MYO15A: variants seen among roughly 807,000 people sequenced by gnomAD.
The protein encoded by MYO15A is myosin XVA, also known as unconventional myosin-XV.
Under a neutral mutation model 394.6 loss-of-function variants are expected in MYO15A, and 308 were observed. That is an observed-to-expected ratio of 0.78 (90% confidence interval 0.71 to 0.86). The LOEUF (loss-of-function observed/expected upper bound fraction) is 0.86, where lower values mean the gene tolerates loss of function less well. Ranked by LOEUF, MYO15A falls within the 40% of genes least tolerant of loss-of-function variation. The pLI, the probability that MYO15A is intolerant of heterozygous loss-of-function variation, is 0.00. For missense variants in MYO15A, 4,606 were observed against 4,799.1 expected, an observed-to-expected ratio of 0.96 and a Z score of 1.19; for synonymous variants, 1,957 against 2,003.8, an observed-to-expected ratio of 0.98 and a Z score of 0.62.
intron 1 of MYO15A, among the ~76,000 whole-genome samples, chr17:18,116,844 C>T (rs2045793631): frequency 6.6e-6 from 1 of 151,660 alleles, no homozygotes; most frequent in South Asian, 2.1e-4. Flanking sequence ...TGCTTGAACC[C>T]GGGAGGCGGA....
chr17:18,127,841 A>ATATG (rs2046080442), intron 7 of MYO15A, among the ~76,000 whole-genome samples: 1 of 63,432 alleles, frequency 1.6e-5, no homozygotes, highest in Non-Finnish European at 3.2e-5. Flanking sequence ...AAAGATATAT[A>ATATG]TATATATATA....
chr17:18,133,638 T>G (rs1484702724), intron 12 of MYO15A, among the ~76,000 whole-genome samples: 2 of 152,194 alleles, frequency 1.3e-5, no homozygotes, highest in African/African-American at 2.4e-5. Context: ...GTTTACAATG[T>G]TTTTTGGTGG....
At chr17:18,112,208 C>A (rs2045730584) in intron 1 of MYO15A, among the ~76,000 whole-genome samples, 1 of 151,816 alleles carries the variant, frequency 6.6e-6, no homozygotes, top group African/African-American at 2.4e-5. Flanking sequence ...CCTGCTTCTC[C>A]CCAGCAAGTC....
rs1567643716 is a variant in MYO15A, at chr17:18,140,832, G to A, written c.5406G>A (p.Lys1802=). The part of the protein sequence containing the change: ...FMRCLKPNHK[K]EPGLFEPDVV... ...GTTGCCTGAAGCCCAACCACAAGAA[G>A]GTGAGTGAGAGCTGAGGCCTCTGAG... The change falls in exon 21 of 66, where the codon AAG becomes AAA. Residue 1802 remains lysine, a splice_region_variant and synonymous_variant. Coordinates refer to ENST00000647165, the MANE Select transcript of MYO15A (RefSeq NM_016239.4). The A allele has an allele frequency of 3.7e-6, 6 of 1,614,126 alleles. No homozygotes were observed. In the South Asian group the frequency reaches 5.5e-5, roughly 15 times the overall value.
At chr17:18,169,161 A>G (rs2046903809) in intron 62 of MYO15A, among the ~76,000 whole-genome samples, 1 of 93,874 alleles carries the variant, frequency 1.1e-5, no homozygotes, top group Non-Finnish European at 2.4e-5. Context: ...TAATAATAAA[A>G]ATAGGCTGGG....
Position 18,120,459 on chromosome 17 carries a change from G to A in MYO15A, c.1659G>A (p.Arg553=). ...QRALSAFGAH[R]GLGFGPEFGR... ...CGCTGTCGGCCTTCGGCGCCCACCG[G>A]GGCCTGGGCTTCGGCCCTGAGTTTG... The change falls in exon 2 of 66, where the codon CGG becomes CGA. Residue 553 remains arginine, a synonymous_variant. Coordinates refer to ENST00000647165, the MANE Select transcript of MYO15A (RefSeq NM_016239.4). 1.3e-6 allele frequency: 2 copies of A among 1,576,888 alleles called. No homozygotes were observed. Among genetic ancestry groups the A allele is most frequent in the East Asian group, 2.3e-5 (1 of 43,222 alleles).
chr17:18,178,370 GA>G (rs758976352), intron 65 of MYO15A: 33,600 of 262,872 alleles, frequency 0.13, 4 homozygotes, highest in South Asian at 0.22. Flanking sequence ...CTCCATCTAG[GA>G]AAAAAAAAAA....
chr17:18,112,123 C>G (rs758312018), intron 1 of MYO15A, among the ~76,000 whole-genome samples: 1 of 152,248 alleles, frequency 6.6e-6, no homozygotes, highest in Admixed American at 6.5e-5. Context: ...GACAGACAGA[C>G]AAGGCTCCCC....
intron 23 of MYO15A, 66 bp from the exon 24 acceptor site, chr17:18,142,013 G>C: frequency 6.3e-7 from 1 of 1,584,566 alleles, no homozygotes; most frequent in Non-Finnish European, 8.6e-7. Flanking sequence ...GACTTCTAGA[G>C]AGGGAGGGGC....
Position 18,116,423 on chromosome 17 carries a change from C to G in MYO15A, c.-219-2159C>G, listed in dbSNP as rs959032738. Among the ~76,000 whole-genome samples the G allele has an allele frequency of 4.6e-5, 7 of 152,370 alleles. No homozygotes were observed. The East Asian group carries it at 1.3e-3, about 29-fold the overall frequency. On this transcript the variant is annotated intron_variant, in intron 1 of 65. Coordinates refer to ENST00000647165, the MANE Select transcript of MYO15A (RefSeq NM_016239.4). ...TCGGCCAGGCCTGGGTTCTACCTTC[C>G]CAAGCCAGGTGGCCTCGAGCAAGTC... is the stretch of plus-strand genomic sequence containing the variant.
intron 18 of MYO15A, chr17:18,139,175 G>C: frequency 1.6e-6 from 1 of 644,380 alleles, no homozygotes; most frequent in South Asian, 1.8e-5. Context: ...ATGTAGGGTG[G>C]GTTTGATAAA....
Position 18,142,823 on chromosome 17 carries a change from C to A in MYO15A, c.5893C>A (p.Arg1965Ser), listed in dbSNP as rs374485649. 2 of 1,612,904 alleles carry A rather than the reference C, an allele frequency of 1.2e-6. No homozygotes were observed. The highest frequency in any genetic ancestry group is 1.7e-6 in the Non-Finnish European group (2 of 1,179,628). ...GTCCCTGGTACACGCATACGTGAGC[C>A]GCCGACGCTATCTCAAGGTATAGGC... Reference protein sequence around the residue: ...FRSLVHAYVSRRRYLKLRAEW... With the variant: ...FRSLVHAYVSSRRYLKLRAEW... The change falls in exon 25 of 66, where the codon CGC (arginine) becomes AGC (serine). Residue 1965 changes from arginine (R) to serine (S), a missense_variant. Transcript: ENST00000647165.
rs534480724 is a variant in MYO15A, at chr17:18,168,110, A to G, written c.10082+387A>G. On this transcript the variant is annotated intron_variant, in intron 62 of 65. Coordinates refer to ENST00000647165, the MANE Select transcript of MYO15A (RefSeq NM_016239.4). Reference sequence around the variant, plus strand: ...ATCAGAAGTAACCTCAATATCCAGCAACAGGGAGTCGTCAAGTAAATTATG... The same window carrying G: ...ATCAGAAGTAACCTCAATATCCAGCGACAGGGAGTCGTCAAGTAAATTATG... Among the ~76,000 whole-genome samples, 8 of 152,344 alleles carry G rather than the reference A, an allele frequency of 5.3e-5. No homozygotes were observed. The East Asian group carries it at 1.5e-3, about 29-fold the overall frequency.
At chr17:18,126,758 G>A (rs967432369) in intron 5 of MYO15A, 33 bp from the exon 6 acceptor site, 2 of 1,611,568 alleles carry the variant, frequency 1.2e-6, no homozygotes, top group Non-Finnish European at 1.7e-6. Context: ...GAGCTTAGAG[G>A]CAGGGGCCAG....
chr17:18,125,466 A>T (rs1330610442), intron 4 of MYO15A: 1 of 533,314 alleles, frequency 1.9e-6, no homozygotes, highest in African/African-American at 1.9e-5. Context: ...AGACCGAGGC[A>T]GGTGGATCAC....
rs542681492 is a variant in MYO15A, at chr17:18,109,423, T to C, written c.-220+599T>C. ...CAGGGCAGGCACTGCGGCTCTGTTATGTCCTGGGCTTTCTGGATCTGTGGT... is the reference window on the plus strand; with the variant it reads ...CAGGGCAGGCACTGCGGCTCTGTTACGTCCTGGGCTTTCTGGATCTGTGGT... On this transcript the variant is annotated intron_variant, in intron 1 of 65. Transcript: ENST00000647165. 1.3e-3 allele frequency: 232 copies of C among 173,262 alleles called. 8 individuals carry two copies. The South Asian group carries it at 0.029, about 21-fold the overall frequency. 10.7% of individuals were successfully genotyped at this position (173,262 alleles called of 1,614,324 possible). A position where few individuals can be genotyped will look rare whatever the true frequency, so the allele number is the denominator to read the frequency against.
At position 18,121,128 on chromosome 17, in the gene MYO15A, C is replaced by T. The variant is rs1212406936; in HGVS notation, c.2328C>T (p.Pro776=). ...RRRAWSPLAS[P]QPSLRSSPGL... is the part of the protein sequence containing the mutation. Reference sequence around the variant, plus strand: ...GAGCTTGGTCACCGCTGGCCTCGCCCCAGCCCTCGCTGAGGAGCTCGCCGG... The same window carrying T: ...GAGCTTGGTCACCGCTGGCCTCGCCTCAGCCCTCGCTGAGGAGCTCGCCGG... Residue 776 remains proline (P), a synonymous_variant, in exon 2 of 66, where the codon CCC becomes CCT. Coordinates refer to ENST00000647165, the MANE Select transcript of MYO15A (RefSeq NM_016239.4). This position sits in a 1 kb window ranked among gnomAD's most constrained non-coding sequence, Gnocchi z 5.3. 2.0e-6 allele frequency: 3 copies of T among 1,508,778 alleles called. No individual in the cohort carries two copies. The highest frequency in any genetic ancestry group is 2.6e-6 in the Non-Finnish European group (3 of 1,134,008). The allele number at this position is 1,508,778 out of a possible 1,614,324, so 93.5% of individuals were successfully genotyped here. A position where few individuals can be genotyped will look rare whatever the true frequency, so the allele number is the denominator to read the frequency against.
intron 62 of MYO15A, among the ~76,000 whole-genome samples, chr17:18,169,157 T>TAAA (rs1555548316): frequency 0.039 from 3,629 of 92,012 alleles, 120 homozygotes; most frequent in African/African-American, 0.12. Context: ...ATAATAATAA[T>TAAA]AAAAATAGGC....
At position 18,141,048 on chromosome 17, in the gene MYO15A, A is replaced by G; in HGVS notation, c.5436A>G (p.Val1812=). The G allele has an allele frequency of 6.2e-7, 1 of 1,614,032 alleles. No individual in the cohort carries two copies. Among genetic ancestry groups the G allele is most frequent in the Non-Finnish European group, 8.5e-7 (1 of 1,180,034 alleles). Residue 1812 remains valine (V), a synonymous_variant, in exon 22 of 66, where the codon GTA becomes GTG. Transcript: ENST00000647165. ...CAGGTCTCTTTGAGCCAGATGTGGT[A>G]ATGGCACAATTACGCTATTCAGGGG... is the stretch of plus-strand genomic sequence containing the variant. ...KEPGLFEPDV[V]MAQLRYSGVL...
Sources: allele counts gnomAD v4.1 joint callset (sites outside exome capture counted in the v4.1 genomes callset), GRCh38; gene constraint gnomAD v4.1.1; non-coding constraint Gnocchi (gnomAD v3.1); transcripts MANE v1.5; gene names NCBI Gene and HGNC (gene_info 2026-07-23, HGNC 2026-07-21).